Variants in ADCY1 observed in about 807,000 individuals in gnomAD.
The protein encoded by ADCY1 is adenylate cyclase type 1.
Under a neutral mutation model 105.4 loss-of-function variants are expected in ADCY1, and 28 were observed. The observed-to-expected ratio is 0.27, with a 90% CI of 0.20 to 0.36. ADCY1 has a LOEUF of 0.36. ADCY1 is among the 10% of genes least tolerant of loss of function. ADCY1 has a pLI of 1.00. For synonymous variants in ADCY1, 655 were observed against 623.8 expected (o/e 1.05, Z -0.75); for missense variants, 977 against 1,434.2 (o/e 0.68, Z 5.15).
At chr7:45,652,633 A>C (rs1009368249) in intron 5 of ADCY1, among the ~76,000 whole-genome samples, 7 of 152,196 alleles carry the variant, frequency 4.6e-5, no homozygotes, top group African/African-American at 1.4e-4. Context: ...CCTAGCATCT[A>C]GTCCTTTTTC....
At chr7:45,620,817 T>G (rs1165175380) in intron 3 of ADCY1, among the ~76,000 whole-genome samples, 2 of 152,188 alleles carry the variant, frequency 1.3e-5, no homozygotes, top group Non-Finnish European at 2.9e-5. Flanking sequence ...TAATTCTGTA[T>G]CCGGCAAAAA....
rs368242656 is a variant in ADCY1 at position 45,657,897 on chromosome 7, A to T, written c.1307+12A>T. 1.4e-4 allele frequency: 61 copies of T among 422,562 alleles called. 1 individual carries two copies. The highest frequency in any genetic ancestry group is 9.2e-4 in the South Asian group (49 of 53,138). 26.2% of individuals were successfully genotyped at this position (422,562 alleles called of 1,614,324 possible). ...GCTGGCCTGCCAGGGTAAGTCGGGG[A>T]TGGGGTGGGGAGGGGAGGGAGGTGG... On this transcript the variant is annotated intron_variant, in intron 6 of 19. Coordinates refer to ENST00000297323, the MANE Select transcript of ADCY1 (RefSeq NM_021116.4).
intron 3 of ADCY1, among the ~76,000 whole-genome samples, chr7:45,617,794 G>T (rs1396941674): frequency 6.6e-6 from 1 of 152,168 alleles, no homozygotes; most frequent in African/African-American, 2.4e-5. Flanking sequence ...TTACTAAAAT[G>T]ACTGTAATAC....
chr7:45,664,361 C>T (rs1035574923), intron 8 of ADCY1: 32 of 1,535,916 alleles, frequency 2.1e-5, no homozygotes, highest in Admixed American at 5.9e-5. Flanking sequence ...GCAACGGGGA[C>T]GACTGTGCAC....
chr7:45,640,763 T>C (rs1387704208), intron 4 of ADCY1, among the ~76,000 whole-genome samples: 1 of 152,260 alleles, frequency 6.6e-6, no homozygotes, highest in African/African-American at 2.4e-5. Flanking sequence ...CTTTAACTTT[T>C]AACTATTGTT....
At chr7:45,670,551 C>T (rs1206368343) in intron 8 of ADCY1, among the ~76,000 whole-genome samples, 1 of 152,206 alleles carries the variant, frequency 6.6e-6, no homozygotes, top group East Asian at 1.9e-4. Flanking sequence ...GATCTGTATG[C>T]CTCAGTCCCT....
intron 5 of ADCY1, among the ~76,000 whole-genome samples, chr7:45,650,644 G>A (rs1170473024): frequency 1.3e-5 from 2 of 152,116 alleles, no homozygotes; most frequent in Non-Finnish European, 2.9e-5. Flanking sequence ...TCCTGAGAGG[G>A]GTCTGCTGCT....
intron 14 of ADCY1, among the ~76,000 whole-genome samples, chr7:45,693,646 T>C (rs182783749): frequency 6.6e-6 from 1 of 152,132 alleles, no homozygotes; most frequent in Non-Finnish European, 1.5e-5. Context: ...TATTCTCTGA[T>C]GGTAGTTTAA....
chr7:45,670,127 C>T (rs532776703), intron 8 of ADCY1, among the ~76,000 whole-genome samples: 2 of 152,350 alleles, frequency 1.3e-5, no homozygotes, highest in Non-Finnish European at 2.9e-5. Flanking sequence ...GGTTCCCCCT[C>T]TGACTGTTAA....
At chr7:45,656,432 T>C (rs1584308580) in intron 5 of ADCY1, among the ~76,000 whole-genome samples, 1 of 152,392 alleles carries the variant, frequency 6.6e-6, no homozygotes, top group Middle Eastern at 3.4e-3. Flanking sequence ...TTTCTGAACG[T>C]GTGCTGGGAC....
In ADCY1 at chr7:45,610,507, G is replaced by T; in HGVS notation, c.908+10G>T. On this transcript the variant is annotated intron_variant, in intron 3 of 19. Transcript: ENST00000297323. Reference sequence around the variant, plus strand: ...GGCACGACAATGTGAGGTAGGGCTGGTGCTGACCCGGCACAGCGGGGAGCC... The same window carrying T: ...GGCACGACAATGTGAGGTAGGGCTGTTGCTGACCCGGCACAGCGGGGAGCC... The T allele has an allele frequency of 6.2e-7, 1 of 1,609,930 alleles. No individual in the cohort carries two copies. The highest frequency in any genetic ancestry group is 1.1e-5 in the South Asian group (1 of 90,972).
chr7:45,633,450 T>C (rs575436056), intron 4 of ADCY1, among the ~76,000 whole-genome samples: 1 of 152,346 alleles, frequency 6.6e-6, no homozygotes, highest in East Asian at 1.9e-4. Context: ...GAGTATGCCA[T>C]GAATACATAA....
At position 45,660,060 on chromosome 7, in the gene ADCY1, G is replaced by T; in HGVS notation, c.1326G>T (p.Lys442Asn). Residue 442 changes from lysine to asparagine, a missense_variant, in exon 7 of 20, where the codon AAG (lysine) becomes AAT (asparagine). Lys to Asn is a moderately conservative substitution (Grantham distance 94). This residue lies in a region of ADCY1 where 66 missense variants were observed against 127.2 expected (regional missense o/e 0.52). Transcript: ENST00000297323. The part of the protein sequence containing the change: ...AGLPGKVHIT[K>N]TTLACLNGDY... ...TTTGTAGGAAGGTTCATATCACAAA[G>T]ACGACCCTAGCGTGCTTGAATGGGG... is the stretch of plus-strand genomic sequence containing the variant. The T allele has an allele frequency of 6.2e-7, 1 of 1,614,174 alleles. No homozygotes were observed. The highest frequency in any genetic ancestry group is 8.5e-7 in the Non-Finnish European group (1 of 1,180,016).
intron 4 of ADCY1, among the ~76,000 whole-genome samples, chr7:45,643,752 G>A (rs917244881): frequency 7.2e-5 from 11 of 152,190 alleles, no homozygotes; most frequent in Non-Finnish European, 1.6e-4. Flanking sequence ...TCCCGTGCGT[G>A]TAGTTAGATG....
intron 7 of ADCY1, 59 bp from the exon 8 acceptor site, chr7:45,662,000 G>A (rs1052796601): frequency 3.6e-5 from 57 of 1,562,438 alleles, no homozygotes; most frequent in Admixed American, 3.6e-4. Context: ...TTCCCAGTCC[G>A]AGAGGCACAA....
chr7:45,610,817 TATGGAGGTGATA>T (rs1793540167), intron 3 of ADCY1, among the ~76,000 whole-genome samples: 17 of 48,690 alleles, frequency 3.5e-4, no homozygotes, highest in Admixed American at 7.0e-4. Flanking sequence ...ATGGTGGAGG[TATGGAGGTGATA>T]GTGGAGGTGT....
Position 45,703,775 on chromosome 7 carries a change from C to CGCCT in ADCY1, c.2718+31_2718+34dup. On this transcript the variant is annotated intron_variant, in intron 16 of 19. Coordinates refer to ENST00000297323, the MANE Select transcript of ADCY1 (RefSeq NM_021116.4). The surrounding 1 kb of genome is among the most constrained non-coding windows in gnomAD (Gnocchi z 5.9). ...AGGCTGTGCGTCGCCATCCTGACCC[C>CGCCT]GCCTGGTTGTGGTGGTGCATCCTGT... is the stretch of plus-strand genomic sequence containing the variant. 1.9e-6 allele frequency: 3 copies of CGCCT among 1,544,282 alleles called. No individual in the cohort carries two copies. Among genetic ancestry groups the CGCCT allele is most frequent in the Non-Finnish European group, 2.6e-6 (3 of 1,142,188 alleles).
chr7:45,582,228 G>A (rs1208354354), intron 1 of ADCY1, among the ~76,000 whole-genome samples: 1 of 152,174 alleles, frequency 6.6e-6, no homozygotes, highest in Non-Finnish European at 1.5e-5. Context: ...GGTCTTTTGA[G>A]TAGATGTGCC....
intron 19 of ADCY1, among the ~76,000 whole-genome samples, chr7:45,712,065 T>A (rs1431801813): frequency 1.5e-5 from 2 of 131,382 alleles, no homozygotes; most frequent in Non-Finnish European, 3.1e-5. Flanking sequence ...TAAATATATA[T>A]TTTATATATT....
Sources: allele counts gnomAD v4.1 joint callset (sites outside exome capture counted in the v4.1 genomes callset), GRCh38; gene constraint gnomAD v4.1.1; regional missense constraint gnomAD v4.1.1; non-coding constraint Gnocchi (gnomAD v3.1); transcripts MANE v1.5; gene names NCBI Gene and HGNC (gene_info 2026-07-23, HGNC 2026-07-21).